The following ATG13 variants were observed in gnomAD, a reference collection of about 807,000 sequenced individuals.
The protein encoded by ATG13 is autophagy related 13, also known as autophagy-related protein 13.
Under a neutral mutation model 65.5 loss-of-function variants are expected in ATG13, and 23 were observed. The observed-to-expected ratio is 0.35, with a 90% CI of 0.25 to 0.50. The LOEUF is 0.50. ATG13 is among the 20% of genes least tolerant of loss of function. ATG13 has a pLI of 0.98. For missense variants in ATG13, 566 were observed against 677.0 expected, an observed-to-expected ratio of 0.84 and a Z score of 1.82; for synonymous variants, 252 against 245.2, an observed-to-expected ratio of 1.03 and a Z score of -0.26.
intron 7 of ATG13, among the ~76,000 whole-genome samples, chr11:46,652,230 A>G (rs2059069952): frequency 6.6e-6 from 1 of 151,984 alleles, no homozygotes; most frequent in Admixed American, 6.6e-5. Flanking sequence ...CCTGGGTGAC[A>G]GGGCTATACT....
Position 46,646,022 on chromosome 11 carries a change from A to G in ATG13, c.270+33A>G, listed in dbSNP as rs201305089. On this transcript the variant is annotated intron_variant, in intron 5 of 18. Coordinates refer to ENST00000683050, the MANE Select transcript of ATG13 (RefSeq NM_001346311.2). ...TATGGCCAGGTTGGTGTCTTCATTT[A>G]GCACTGAAGGCTCCTCACACTCTGA... 2.2e-4 allele frequency: 357 copies of G among 1,613,152 alleles called. 1 individual carries two copies. The Middle Eastern group carries it at 2.8e-3, about 13-fold the overall frequency.
At chr11:46,645,736 TG>T in intron 4 of ATG13, 133 bp from the exon 5 acceptor site, 1 of 1,254,776 alleles carries the variant, frequency 8.0e-7, no homozygotes, top group Non-Finnish European at 1.1e-6. Flanking sequence ...TTATCCCTTA[TG>T]GGGAAGGGAG....
rs1482715204 is a variant in ATG13 at position 46,673,684 on chromosome 11, T to A, written c.*1352T>A. ...GAGAAATCAAAGCTGGGCGTATGATTGACTTAACCCTTCAGGTATTGTTAC... is the reference window on the plus strand; with the variant it reads ...GAGAAATCAAAGCTGGGCGTATGATAGACTTAACCCTTCAGGTATTGTTAC... On this transcript the variant is annotated 3_prime_UTR_variant, in exon 19 of 19. Coordinates refer to ENST00000683050, the MANE Select transcript of ATG13 (RefSeq NM_001346311.2). 1.3e-5 allele frequency: 2 copies of A among 152,224 alleles called. No individual in the cohort carries two copies. The highest frequency in any genetic ancestry group is 4.8e-5 in the African/African-American group (2 of 41,446). 9.4% of individuals were successfully genotyped at this position (152,224 alleles called of 1,614,324 possible).
At chr11:46,631,518 A>G (rs773177484) in intron 2 of ATG13, among the ~76,000 whole-genome samples, 1 of 152,202 alleles carries the variant, frequency 6.6e-6, no homozygotes, top group Non-Finnish European at 1.5e-5. Context: ...GCGATTATCT[A>G]TGGGCATTAT....
intron 1 of ATG13, among the ~76,000 whole-genome samples, chr11:46,620,159 C>T (rs143927558): frequency 1.2e-3 from 178 of 151,634 alleles, no homozygotes; most frequent in African/African-American, 3.7e-3. Context: ...GGCATGATCT[C>T]GGCACACTGC....
intron 18 of ATG13, among the ~76,000 whole-genome samples, chr11:46,671,786 C>T (rs1052800798): frequency 5.9e-5 from 9 of 152,160 alleles, no homozygotes; most frequent in Admixed American, 2.0e-4. Flanking sequence ...TTACCACAGA[C>T]CTGCTACTGT....
rs1489800885 is a variant in ATG13, at chr11:46,673,407, C to T, written c.*1075C>T. On this transcript the variant is annotated 3_prime_UTR_variant, in exon 19 of 19. Transcript: ENST00000683050. Reference sequence around the variant, plus strand: ...TTGCGTATTCCTGGTGAGAGCCTTACATCTCCCACAGTTTCTGCAGAGTGA... The same window carrying T: ...TTGCGTATTCCTGGTGAGAGCCTTATATCTCCCACAGTTTCTGCAGAGTGA... 2.0e-5 allele frequency: 3 copies of T among 152,266 alleles called. No individual in the cohort carries two copies. Among genetic ancestry groups the T allele is most frequent in the African/African-American group, 7.2e-5 (3 of 41,442 alleles). 9.4% of individuals were successfully genotyped at this position (152,266 alleles called of 1,614,324 possible).
intron 11 of ATG13, among the ~76,000 whole-genome samples, chr11:46,661,818 G>A (rs1341139751): frequency 6.6e-6 from 1 of 152,082 alleles, no homozygotes; most frequent in African/African-American, 2.4e-5. Context: ...GTGACAGAGC[G>A]AGATCCTGTC....
chr11:46,632,454 T>C (rs1341127386), intron 2 of ATG13: 1 of 152,172 alleles, frequency 6.6e-6, no homozygotes. Context: ...ACTAGAATGC[T>C]CAAAGGTAAA....
chr11:46,663,127 T>G (rs4423142), intron 11 of ATG13, among the ~76,000 whole-genome samples: 31,669 of 151,698 alleles, frequency 0.21, 3,965 homozygotes, highest in African/African-American at 0.35. Flanking sequence ...TTAGCCAGGC[T>G]TGGTGGCGGG....
rs766325449 is a variant in ATG13, at chr11:46,650,203, A to G, written c.344A>G (p.Tyr115Cys). ...EKCDKEIKVSYTVYNRLSLLL... is the reference protein window; with the variant it reads ...EKCDKEIKVSCTVYNRLSLLL... Reference sequence around the variant, plus strand: ...TGTGATAAAGAAATCAAAGTTTCCTACACGGTGTACAACAGACTGTCATTG... The same window carrying G: ...TGTGATAAAGAAATCAAAGTTTCCTGCACGGTGTACAACAGACTGTCATTG... Residue 115 changes from tyrosine (Y) to cysteine (C), a missense_variant, in exon 7 of 19, where the codon TAC becomes TGC. Physicochemically the swap from Tyr to Cys is radical, Grantham distance 194. Coordinates refer to ENST00000683050, the MANE Select transcript of ATG13 (RefSeq NM_001346311.2). The G allele has an allele frequency of 4.3e-6, 7 of 1,614,078 alleles. No individual in the cohort carries two copies. The highest frequency in any genetic ancestry group is 2.2e-5 in the South Asian group (2 of 91,078).
At chr11:46,641,024 A>AAT (rs1415935787) in intron 2 of ATG13, among the ~76,000 whole-genome samples, 2 of 152,234 alleles carry the variant, frequency 1.3e-5, no homozygotes, top group Non-Finnish European at 2.9e-5. Context: ...CACATATAAG[A>AAT]ATATGATAGC....
intron 2 of ATG13, among the ~76,000 whole-genome samples, chr11:46,639,799 C>T (rs1286729850): frequency 6.6e-6 from 1 of 150,456 alleles, no homozygotes; most frequent in East Asian, 2.0e-4. Flanking sequence ...GTGGGGGGGC[C>T]TTTAAACTGT....
chr11:46,638,716 T>C (rs773928397), intron 2 of ATG13: 8 of 152,238 alleles, frequency 5.3e-5, no homozygotes, highest in Non-Finnish European at 1.2e-4. Flanking sequence ...TCACCTAACA[T>C]AATGCTCTCC....
At chr11:46,620,902 A>G (rs752497447) in intron 1 of ATG13, 1 of 152,252 alleles carries the variant, frequency 6.6e-6, no homozygotes, top group Non-Finnish European at 1.5e-5. Context: ...GAGCAGAAAA[A>G]TAAAATGAAA....
At position 46,644,223 on chromosome 11, in the gene ATG13, T is replaced by G. The variant is rs1193705419; in HGVS notation, c.-13-56T>G. 3.1e-6 allele frequency: 4 copies of G among 1,296,184 alleles called. No individual in the cohort carries two copies. The African/African-American group carries it at 4.5e-5, about 15-fold the overall frequency. The allele number at this position is 1,296,184 out of a possible 1,614,324, so 80.3% of individuals were successfully genotyped here. ...ACAATACCATCTCTGTATGCTTTGA[T>G]GTATCAATGCCTTTTTAAAGATATT... On this transcript the variant is annotated intron_variant, in intron 2 of 18. Coordinates refer to ENST00000683050, the MANE Select transcript of ATG13 (RefSeq NM_001346311.2).
intron 1 of ATG13, chr11:46,625,277 T>TC (rs1378064988): frequency 2.7e-5 from 4 of 145,822 alleles, no homozygotes; most frequent in Admixed American, 1.4e-4. Context: ...TTCTTTTTTT[T>TC]TTTTTTTTTT....
intron 5 of ATG13, among the ~76,000 whole-genome samples, chr11:46,648,514 T>A (rs1178971347): frequency 5.3e-5 from 8 of 150,744 alleles, no homozygotes; most frequent in Admixed American, 5.3e-4. Flanking sequence ...CGCAGTGGCT[T>A]ACGCCTGTAA....
chr11:46,651,540 A>G (rs905678022), intron 7 of ATG13, among the ~76,000 whole-genome samples: 1 of 152,212 alleles, frequency 6.6e-6, no homozygotes, highest in African/African-American at 2.4e-5. Flanking sequence ...TCCCAAATCT[A>G]CCAAAGATGC....
Sources: allele counts gnomAD v4.1 joint callset (sites outside exome capture counted in the v4.1 genomes callset), GRCh38; gene constraint gnomAD v4.1.1; transcripts MANE v1.5; gene names NCBI Gene and HGNC (gene_info 2026-07-23, HGNC 2026-07-21).